The following TMEFF1 variants were observed in gnomAD, a reference collection of about 807,000 sequenced individuals.
The protein encoded by TMEFF1 is transmembrane protein with EGF like and two follistatin like domains 1.
Under a neutral mutation model 47.5 loss-of-function variants are expected in TMEFF1, and 20 were observed. The observed-to-expected ratio is 0.42, with a 90% CI of 0.30 to 0.61. The LOEUF (loss-of-function observed/expected upper bound fraction) is 0.61, where lower values mean the gene tolerates loss of function less well. TMEFF1 is among the 20% of genes least tolerant of loss of function. The pLI, the probability that TMEFF1 is intolerant of heterozygous loss-of-function variation, is 0.19. For synonymous variants in TMEFF1, 162 were observed against 166.3 expected (o/e 0.97, Z 0.20); for missense variants, 411 against 471.1 (o/e 0.87, Z 1.18).
intron 7 of TMEFF1, among the ~76,000 whole-genome samples, chr9:100,559,458 G>A (rs1838974083): frequency 6.6e-6 from 1 of 152,176 alleles, no homozygotes. Flanking sequence ...TTGAGCACTT[G>A]AAATGTGGCT....
intron 5 of TMEFF1, among the ~76,000 whole-genome samples, chr9:100,517,419 G>A (rs763122656): frequency 5.9e-5 from 9 of 152,000 alleles, no homozygotes; most frequent in Admixed American, 5.2e-4. Flanking sequence ...TTCCTTACTT[G>A]TACATATTTT....
In TMEFF1 at chr9:100,516,771, G is replaced by C. The variant is rs966682185; in HGVS notation, c.560G>C (p.Gly187Ala). ...AECDEDAENV[G>A]CVCNIDCSGY... ...TGTGATGAAGATGCAGAAAATGTTG[G>C]GTGAGTTGGTTGAGGGGAAGGGACA... Residue 187 changes from glycine to alanine, a missense_variant and splice_region_variant, in exon 5 of 10, where the codon GGG becomes GCG. Transcript: ENST00000374879. 16 of 1,612,378 alleles carry C rather than the reference G, an allele frequency of 9.9e-6. No individual in the cohort carries two copies. In the Admixed American group the frequency reaches 1.7e-4, roughly 17 times the overall value.
chr9:100,484,605 C>T (rs540981664), intron 1 of TMEFF1, among the ~76,000 whole-genome samples: 53 of 147,826 alleles, frequency 3.6e-4, no homozygotes, highest in African/African-American at 1.1e-3. Context: ...AGGTGTGAGC[C>T]GCCGCGCCTG....
intron 1 of TMEFF1, among the ~76,000 whole-genome samples, chr9:100,480,349 G>C (rs1837317562): frequency 6.6e-6 from 1 of 152,140 alleles, no homozygotes; most frequent in Non-Finnish European, 1.5e-5. Context: ...AGTTGTATTT[G>C]TTTTCAAACT....
At chr9:100,543,116 CAG>C (rs1838665057) in intron 5 of TMEFF1, among the ~76,000 whole-genome samples, 1 of 151,996 alleles carries the variant, frequency 6.6e-6, no homozygotes, top group Non-Finnish European at 1.5e-5. Flanking sequence ...TTAGTAGAGA[CAG>C]GGTGTCTCCA....
intron 1 of TMEFF1, among the ~76,000 whole-genome samples, chr9:100,482,487 C>T (rs560054572): frequency 6.6e-6 from 1 of 152,244 alleles, no homozygotes; most frequent in South Asian, 2.1e-4. Context: ...CGTGAGCCAC[C>T]ACTCTGGCCT....
Position 100,577,283 on chromosome 9 carries a change from A to T in TMEFF1, c.*683A>T, listed in dbSNP as rs542463155. On this transcript the variant is annotated 3_prime_UTR_variant, in exon 10 of 10. Coordinates refer to ENST00000374879, the MANE Select transcript of TMEFF1 (RefSeq NM_003692.5). Reference sequence around the variant, plus strand: ...TGGAATAAAGCCTATTCTACCAGTTAAACTACTTTAATACACATTCATTTT... The same window carrying T: ...TGGAATAAAGCCTATTCTACCAGTTTAACTACTTTAATACACATTCATTTT... The T allele has an allele frequency of 2.0e-5, 3 of 152,760 alleles. No individual in the cohort carries two copies. The South Asian group carries it at 6.2e-4, about 32-fold the overall frequency. 9.5% of individuals were successfully genotyped at this position (152,760 alleles called of 1,614,324 possible).
intron 1 of TMEFF1, 79 bp from the exon 2 acceptor site, chr9:100,498,686 C>CACACACACACACGCGCACAG (rs750945138): frequency 1.1e-6 from 1 of 932,902 alleles, no homozygotes; most frequent in African/African-American, 1.7e-5. Flanking sequence ...CTTTTTCATA[C>CACACACACACACGCGCACAG]ACACACACAC....
chr9:100,518,589 G>C lies in TMEFF1; in HGVS notation c.560+1818G>C, dbSNP rs948306850. On this transcript the variant is annotated intron_variant, in intron 5 of 9. Coordinates refer to ENST00000374879, the MANE Select transcript of TMEFF1 (RefSeq NM_003692.5). The stretch of plus-strand genomic sequence containing the variant: ...AGAGGAAAATACGAAGGAAGCAGTT[G>C]GTATCTTTATCTAGAAAAAAGTGAT... 8 of 774,792 alleles carry C rather than the reference G, an allele frequency of 1.0e-5. No individual in the cohort carries two copies. The African/African-American group carries it at 1.5e-4, about 15-fold the overall frequency. 48.0% of individuals were successfully genotyped at this position (774,792 alleles called of 1,614,324 possible).
chr9:100,556,659 A>G (rs1012860619), intron 7 of TMEFF1, among the ~76,000 whole-genome samples: 4 of 152,216 alleles, frequency 2.6e-5, no homozygotes, highest in African/African-American at 9.6e-5. Context: ...TCTGAGAGTT[A>G]TAAAACTAAA....
At chr9:100,575,662 T>A (rs996434391) in intron 9 of TMEFF1, among the ~76,000 whole-genome samples, 5 of 152,176 alleles carry the variant, frequency 3.3e-5, no homozygotes, top group African/African-American at 1.2e-4. Flanking sequence ...TTCTTTCCAT[T>A]AGGTTGTAAA....
At chr9:100,487,061 T>C (rs1184499850) in intron 1 of TMEFF1, among the ~76,000 whole-genome samples, 2 of 152,226 alleles carry the variant, frequency 1.3e-5, no homozygotes, top group Admixed American at 1.3e-4. Context: ...TTAGATTCTT[T>C]ATTGTTCACA....
At position 100,572,501 on chromosome 9, in the gene TMEFF1, A is replaced by G. The variant is rs374365914; in HGVS notation, c.900-17A>G. 2.2e-4 allele frequency: 350 copies of G among 1,558,982 alleles called. No individual in the cohort carries two copies. Among genetic ancestry groups the G allele is most frequent in the Non-Finnish European group, 2.5e-4 (285 of 1,156,596 alleles). ...ATTTGTAATTTTCATAGGAATATATATATTTTTCCTTTTCAGATGTGAATC... is the reference window on the plus strand; with the variant it reads ...ATTTGTAATTTTCATAGGAATATATGTATTTTTCCTTTTCAGATGTGAATC... On this transcript the variant is annotated splice_polypyrimidine_tract_variant and intron_variant, in intron 8 of 9. Coordinates refer to ENST00000374879, the MANE Select transcript of TMEFF1 (RefSeq NM_003692.5).
At chr9:100,518,846 C>T (rs13283467) in intron 5 of TMEFF1, among the ~76,000 whole-genome samples, 3,832 of 151,996 alleles carry the variant, frequency 0.025, 62 homozygotes, top group Middle Eastern at 0.034. Context: ...TGGTTGCTAA[C>T]CAGGTGAATA....
intron 1 of TMEFF1, among the ~76,000 whole-genome samples, chr9:100,490,527 GT>G (rs750325590): frequency 3.7e-4 from 57 of 152,242 alleles, no homozygotes; most frequent in Admixed American, 7.2e-4. Flanking sequence ...ATAACTACTT[GT>G]TTTAGGCACG....
In TMEFF1 at chr9:100,566,275, T is replaced by C. The variant is rs1221748887; in HGVS notation, c.899+4755T>C. On this transcript the variant is annotated intron_variant, in intron 8 of 9. Coordinates refer to ENST00000374879, the MANE Select transcript of TMEFF1 (RefSeq NM_003692.5). ...ACTTCCCATGACATATGCTAATAAC[T>C]CCTAATTTACATAAATCCCAGACTT... 2.0e-5 allele frequency among the ~76,000 whole-genome samples: 3 copies of C among 152,144 alleles called. No individual in the cohort carries two copies. The East Asian group carries it at 5.8e-4, about 29-fold the overall frequency.
intron 5 of TMEFF1, among the ~76,000 whole-genome samples, chr9:100,523,108 G>T (rs1036772990): frequency 1.3e-5 from 2 of 152,138 alleles, no homozygotes; most frequent in African/African-American, 4.8e-5. Context: ...GCAAAACTCC[G>T]TCTCCCCATA....
At chr9:100,575,455 G>A (rs1271626779) in intron 9 of TMEFF1, among the ~76,000 whole-genome samples, 1 of 152,110 alleles carries the variant, frequency 6.6e-6, no homozygotes, top group Non-Finnish European at 1.5e-5. Context: ...AGTACAAGAG[G>A]GTTGCTTGAT....
At chr9:100,541,939 T>C (rs1564023207) in intron 5 of TMEFF1, among the ~76,000 whole-genome samples, 1 of 152,200 alleles carries the variant, frequency 6.6e-6, no homozygotes, top group Non-Finnish European at 1.5e-5. Flanking sequence ...GTCATCATTT[T>C]AACATGTATC....
Sources: allele counts gnomAD v4.1 joint callset (sites outside exome capture counted in the v4.1 genomes callset), GRCh38; gene constraint gnomAD v4.1.1; transcripts MANE v1.5; gene names NCBI Gene and HGNC (gene_info 2026-07-23, HGNC 2026-07-21).